PCNX2: variants seen among roughly 807,000 people sequenced by gnomAD.
PCNX2 encodes the protein pecanex 2, also known as pecanex-like protein 2.
PCNX2 carries 168 observed loss-of-function variants against 223.8 expected under a neutral mutation model. The observed-to-expected ratio is 0.75, with a 90% confidence interval of 0.66 to 0.85. The LOEUF (loss-of-function observed/expected upper bound fraction) is 0.85, where lower values mean the gene tolerates loss of function less well. PCNX2 is among the 40% of genes least tolerant of loss of function. The probability of loss-of-function intolerance (pLI) is 0.00; values close to 1 mark genes in which losing one functional copy is unlikely to be tolerated. For synonymous variants in PCNX2, 1,006 were observed against 1,052.6 expected, an observed-to-expected ratio of 0.96 and a Z score of 0.86; for missense variants, 2,507 against 2,675.5, an observed-to-expected ratio of 0.94 and a Z score of 1.39.
At chr1:232,984,579 C>T (rs1043317041) in intron 33 of PCNX2, 102 bp from the exon 34 acceptor site, 25 of 1,314,706 alleles carry the variant, frequency 1.9e-5, no homozygotes, top group African/African-American at 3.0e-5. Flanking sequence ...TAAAGGCTAG[C>T]GCTGCCATAT....
At chr1:233,185,760 C>G (rs528538777) in intron 15 of PCNX2, among the ~76,000 whole-genome samples, 41 of 152,200 alleles carry the variant, frequency 2.7e-4, no homozygotes, top group African/African-American at 9.4e-4. Flanking sequence ...GTCTGTTGCC[C>G]ACAGATAATG....
the PCNX2 span, among the ~76,000 whole-genome samples, chr1:233,308,606 A>G: frequency 6.6e-6 from 1 of 152,196 alleles, no homozygotes; most frequent in Non-Finnish European, 1.5e-5. Context: ...TAAGAAACAT[A>G]AACTTATCAG....
intron 15 of PCNX2, among the ~76,000 whole-genome samples, chr1:233,186,225 T>G (rs927062723): frequency 1.3e-5 from 2 of 152,202 alleles, no homozygotes; most frequent in Non-Finnish European, 2.9e-5. Flanking sequence ...TTTATCGCAT[T>G]AAACATAGGG....
chr1:233,303,735 G>A, the PCNX2 span, among the ~76,000 whole-genome samples: 1 of 152,038 alleles, frequency 6.6e-6, no homozygotes, highest in Non-Finnish European at 1.5e-5. Flanking sequence ...TTGGTGTGCT[G>A]CACTCCAGGA....
intron 19 of PCNX2, among the ~76,000 whole-genome samples, chr1:233,156,453 C>A (rs1276733246): frequency 6.6e-6 from 1 of 152,104 alleles, no homozygotes; most frequent in Non-Finnish European, 1.5e-5. Context: ...CTCTCTACAC[C>A]CAAGCACTGC....
rs766627404 is a variant in PCNX2 at position 233,263,138 on chromosome 1, A to C, written c.179T>G (p.Val60Gly). The C allele has an allele frequency of 2.5e-6, 4 of 1,610,992 alleles. No individual in the cohort carries two copies. Among genetic ancestry groups the C allele is most frequent in the African/African-American group, 1.3e-5 (1 of 74,908 alleles). Residue 60 changes from valine to glycine, a missense_variant, in exon 2 of 34, where the codon GTA becomes GGA. Transcript: ENST00000258229. ...AGTCACTGCACTGCAGTAGAAAAATACAATGATCGCATTTGGAGGAAAAGC... is the reference window on the plus strand; with the variant it reads ...AGTCACTGCACTGCAGTAGAAAAATCCAATGATCGCATTTGGAGGAAAAGC... Reference protein sequence around the residue: ...HLAFPPNAIIVFFYCSAVTIF... With the variant: ...HLAFPPNAIIGFFYCSAVTIF...
At chr1:233,155,067 CAAAAA>C (rs558141357) in intron 19 of PCNX2, among the ~76,000 whole-genome samples, 4 of 94,990 alleles carry the variant, frequency 4.2e-5, no homozygotes, top group Admixed American at 1.1e-4. Context: ...GACTCCGTCT[CAAAAA>C]AAAAAAAAAA....
intron 8 of PCNX2, among the ~76,000 whole-genome samples, chr1:233,239,110 C>A (rs1285356977): frequency 1.3e-5 from 2 of 152,176 alleles, no homozygotes; most frequent in African/African-American, 4.8e-5. Context: ...AAACGGAGCA[C>A]ATGCCAGAAC....
chr1:233,177,743 T>C, intron 17 of PCNX2, 59 bp downstream of exon 17: 1 of 1,429,214 alleles, frequency 7.0e-7, no homozygotes, highest in Non-Finnish European at 9.8e-7. Flanking sequence ...ATTGAGAGCC[T>C]GATCTCTGCT....
upstream of PCNX2, among the ~76,000 whole-genome samples, chr1:233,297,968 A>C (rs1225188751): frequency 6.6e-6 from 1 of 152,176 alleles, no homozygotes; most frequent in East Asian, 1.9e-4. Flanking sequence ...ATACTGTAAA[A>C]CTAATCCATT....
chr1:233,318,471 C>A, the PCNX2 span, among the ~76,000 whole-genome samples: 1 of 151,856 alleles, frequency 6.6e-6, no homozygotes, highest in African/African-American at 2.4e-5. Flanking sequence ...CTGGTGAACC[C>A]ATAATCATTG....
chr1:233,081,297 G>A lies in PCNX2; in HGVS notation c.4076+8764C>T, dbSNP rs551815018. Among the ~76,000 whole-genome samples the A allele has an allele frequency of 4.6e-5, 7 of 152,258 alleles. No individual in the cohort carries two copies. The East Asian group carries it at 1.4e-3, about 29-fold the overall frequency. ...GGAGGCGGAGGTTGTAGTGAGCCGAGATCACGCCACTGCACTCCAGCCTGG... is the reference window on the plus strand; with the variant it reads ...GGAGGCGGAGGTTGTAGTGAGCCGAAATCACGCCACTGCACTCCAGCCTGG... On this transcript the variant is annotated intron_variant, in intron 23 of 33. Transcript: ENST00000258229.
intron 15 of PCNX2, among the ~76,000 whole-genome samples, chr1:233,190,012 T>C (rs1460796551): frequency 6.6e-6 from 1 of 152,200 alleles, no homozygotes; most frequent in Non-Finnish European, 1.5e-5. Flanking sequence ...CAAATTTTCT[T>C]TCCCTAATTA....
chr1:233,166,829 A>G (rs1678823749), intron 17 of PCNX2, among the ~76,000 whole-genome samples: 1 of 152,152 alleles, frequency 6.6e-6, no homozygotes, highest in African/African-American at 2.4e-5. Flanking sequence ...TTATGAAAAT[A>G]ATATGGAAGT....
intron 25 of PCNX2, among the ~76,000 whole-genome samples, chr1:233,038,380 A>G (rs866740994): frequency 1.3e-5 from 2 of 152,172 alleles, no homozygotes; most frequent in African/African-American, 4.8e-5. Context: ...TAATTAAAGA[A>G]TATTTAATTT....
At chr1:233,309,923 A>G in the PCNX2 span, among the ~76,000 whole-genome samples, 2 of 152,154 alleles carry the variant, frequency 1.3e-5, no homozygotes, top group East Asian at 3.8e-4. Context: ...TGGAATAAAT[A>G]AGAAACAACC....
chr1:233,154,797 G>A (rs993598556), intron 19 of PCNX2, among the ~76,000 whole-genome samples: 2 of 152,006 alleles, frequency 1.3e-5, no homozygotes, highest in African/African-American at 4.8e-5. Flanking sequence ...GGCCAGGCAC[G>A]GTGGCTCACG....
At chr1:232,989,951 G>A (rs914006386) in intron 32 of PCNX2, among the ~76,000 whole-genome samples, 1 of 152,224 alleles carries the variant, frequency 6.6e-6, no homozygotes, top group African/African-American at 2.4e-5. Context: ...ATACTTCCAG[G>A]GTCAAGTCCA....
At chr1:232,999,925 C>A (rs924101249) in intron 30 of PCNX2, among the ~76,000 whole-genome samples, 1 of 152,152 alleles carries the variant, frequency 6.6e-6, no homozygotes, top group Non-Finnish European at 1.5e-5. Flanking sequence ...AAAAGAGGAG[C>A]CATTGGGAAT....
Sources: gnomAD v4.1 joint callset for allele counts (sites outside exome capture counted in the v4.1 genomes callset) on GRCh38, gnomAD v4.1.1 for gene constraint, MANE v1.5 for transcripts, NCBI Gene and HGNC (gene_info 2026-07-23, HGNC 2026-07-21) for gene names.